HYLS1: variants seen among roughly 807,000 people sequenced by gnomAD.
HYLS1 encodes centriolar and ciliogenesis-associated protein HYLS1.
HYLS1 carries 25 observed loss-of-function variants against 29.4 expected under a neutral mutation model. That is an observed-to-expected ratio of 0.85 (90% CI 0.62 to 1.19). The LOEUF (loss-of-function observed/expected upper bound fraction) is 1.19. Ranked by LOEUF, HYLS1 falls within the 50% of genes most tolerant of loss-of-function variation. The probability of loss-of-function intolerance (pLI) is 0.00; values close to 1 mark genes in which losing one functional copy is unlikely to be tolerated. For missense variants in HYLS1, 352 were observed against 365.1 expected, an observed-to-expected ratio of 0.96 and a Z score of 0.29; for synonymous variants, 128 against 126.7, an observed-to-expected ratio of 1.01 and a Z score of -0.07.
intron 2 of HYLS1, among the ~76,000 whole-genome samples, chr11:125,892,502 CCT>C (rs1944438409): frequency 6.6e-6 from 1 of 152,078 alleles, no homozygotes; most frequent in Admixed American, 6.6e-5. Context: ...TCTCATTTTT[CCT>C]CTCTCAGTAT....
Position 125,900,079 on chromosome 11 carries a change from AC to A in HYLS1, c.712del (p.Arg238AlafsTer28). 6.2e-7 allele frequency: 1 copy of A among 1,614,210 alleles called. No individual in the cohort carries two copies. The highest frequency in any genetic ancestry group is 8.5e-7 in the Non-Finnish European group (1 of 1,180,040). On this transcript the variant is annotated frameshift_variant, in exon 3 of 3. Coordinates refer to ENST00000425380, the MANE Select transcript of HYLS1 (RefSeq NM_001134793.2). LOFTEE classifies it high-confidence loss of function. ...CTGGTGAAGATCATAGAAAGGAATT[AC>A]GCTGGGGTGTCCGAGAGCAGATGCT... is the stretch of plus-strand genomic sequence containing the variant. Reference protein sequence around the residue: ...LPGEDHRKELRWGVREQMLCR... With the variant: ...LPGEDHRKELXWGVREQMLCR...
At chr11:125,888,513 T>TA (rs1207839188) in intron 1 of HYLS1, among the ~76,000 whole-genome samples, 1 of 151,904 alleles carries the variant, frequency 6.6e-6, no homozygotes, top group Admixed American at 6.6e-5. Flanking sequence ...TCACGCCTGT[T>TA]ACCCCAGCAC....
intron 2 of HYLS1, among the ~76,000 whole-genome samples, chr11:125,892,301 G>A (rs1944431896): frequency 6.6e-6 from 1 of 152,180 alleles, no homozygotes; most frequent in Non-Finnish European, 1.5e-5. Context: ...CAAATGTGGT[G>A]AACACTCACT....
At chr11:125,893,113 C>T (rs1944458816) in intron 2 of HYLS1, among the ~76,000 whole-genome samples, 1 of 152,184 alleles carries the variant, frequency 6.6e-6, no homozygotes, top group Admixed American at 6.6e-5. Flanking sequence ...TAGCCCAAGG[C>T]TTGGCAAACA....
At chr11:125,887,163 T>C (rs940885978), upstream of HYLS1, 12 of 152,440 alleles carry the variant, frequency 7.9e-5, no homozygotes, top group African/African-American at 2.7e-4. Context: ...CAAGGAAACG[T>C]CTAGAGCGCA....
chr11:125,891,330 C>G (rs1721920754), intron 1 of HYLS1, 93 bp from the exon 2 acceptor site: 1 of 151,980 alleles, frequency 6.6e-6, no homozygotes, highest in South Asian at 2.1e-4. Context: ...TGCTTCTACA[C>G]AGTATCCTAA....
chr11:125,886,893 T>C (rs1024377397), upstream of HYLS1, among the ~76,000 whole-genome samples: 21 of 101,814 alleles, frequency 2.1e-4, no homozygotes, highest in Non-Finnish European at 7.4e-5. Context: ...CCTGGGCAAC[T>C]GGGCAACAAG....
At chr11:125,885,651 A>C (rs993489491), upstream of HYLS1, among the ~76,000 whole-genome samples, 5 of 152,236 alleles carry the variant, frequency 3.3e-5, no homozygotes, top group East Asian at 1.9e-4. Flanking sequence ...AAAGAAAAGA[A>C]TATATGCACT....
At chr11:125,894,714 T>C (rs1055308881) in intron 2 of HYLS1, among the ~76,000 whole-genome samples, 15 of 152,200 alleles carry the variant, frequency 9.9e-5, no homozygotes, top group Non-Finnish European at 1.2e-4. Flanking sequence ...TAGGAAAAAT[T>C]CAGAAGTACA....
intron 2 of HYLS1, chr11:125,894,247 C>T (rs1944506474): frequency 1.2e-6 from 2 of 1,612,786 alleles, no homozygotes; most frequent in Non-Finnish European, 1.7e-6. Context: ...CATTTTCAAA[C>T]TTACAGTCAT....
At chr11:125,887,956 G>C (rs1944337042) in intron 1 of HYLS1, 191 bp downstream of exon 1, 11 of 150,230 alleles carry the variant, frequency 7.3e-5, no homozygotes, top group African/African-American at 2.5e-4. Flanking sequence ...GGCCGGGGCA[G>C]CGTGAGCTAC....
upstream of HYLS1, chr11:125,887,192 A>G (rs2134225586): frequency 6.6e-6 from 1 of 152,408 alleles, no homozygotes; most frequent in Non-Finnish European, 1.5e-5. Context: ...CTCACCCCAG[A>G]CTGTTCGAAC....
At chr11:125,893,637 C>T (rs2134238519) in intron 2 of HYLS1, 1 of 622,900 alleles carries the variant, frequency 1.6e-6, no homozygotes, top group East Asian at 2.9e-5. Flanking sequence ...CAATAACTTC[C>T]TTAATAGGGC....
At chr11:125,894,200 T>C (rs747881841) in intron 2 of HYLS1, 3 of 1,613,974 alleles carry the variant, frequency 1.9e-6, no homozygotes, top group African/African-American at 1.3e-5. Flanking sequence ...GTGGGTAATA[T>C]TGAACTCCTG....
At position 125,900,503 on chromosome 11, in the gene HYLS1, T is replaced by C. The variant is rs1591509042; in HGVS notation, c.*235T>C. 9 of 516,402 alleles carry C rather than the reference T, an allele frequency of 1.7e-5. No homozygotes were observed. The East Asian group carries it at 3.4e-4, about 19-fold the overall frequency. The allele number at this position is 516,402 out of a possible 1,614,324, so 32.0% of individuals were successfully genotyped here. On this transcript the variant is annotated 3_prime_UTR_variant, in exon 3 of 3. Coordinates refer to ENST00000425380, the MANE Select transcript of HYLS1 (RefSeq NM_001134793.2). ...CATATCAGAGAAAGAACAACAGACC[T>C]GGTCTTTCTATTTTGTCAAATTAGT...
At chr11:125,887,381 C>G (rs890631062), upstream of HYLS1, 4 of 152,254 alleles carry the variant, frequency 2.6e-5, no homozygotes, top group Non-Finnish European at 1.5e-5. Context: ...GGCCCAACCT[C>G]CCCTCCAGAT....
upstream of HYLS1, chr11:125,887,637 G>A (rs973855821): frequency 1.3e-5 from 2 of 152,360 alleles, no homozygotes; most frequent in African/African-American, 2.4e-5. Flanking sequence ...AGCGGTCGGC[G>A]GTTAACCGCA....
chr11:125,886,757 C>G (rs1226203024), upstream of HYLS1, among the ~76,000 whole-genome samples: 1 of 151,134 alleles, frequency 6.6e-6, no homozygotes, highest in Non-Finnish European at 1.5e-5. Context: ...ACTAAAAATA[C>G]AAAATTAGCC....
chr11:125,894,622 A>AT (rs1462379372), intron 2 of HYLS1, among the ~76,000 whole-genome samples: 2 of 152,196 alleles, frequency 1.3e-5, no homozygotes, highest in African/African-American at 2.4e-5. Context: ...TATGAGTAAA[A>AT]TTATTGGTAT....
Sources: allele counts gnomAD v4.1 joint callset (sites outside exome capture counted in the v4.1 genomes callset), GRCh38; gene constraint gnomAD v4.1.1; transcripts MANE v1.5; gene names NCBI Gene and HGNC (gene_info 2026-07-23, HGNC 2026-07-21).